PIK3R1: variants seen among roughly 807,000 people sequenced by gnomAD.
PIK3R1 encodes phosphatidylinositol 3-kinase regulatory subunit alpha.
Under a neutral mutation model 98.0 loss-of-function variants are expected in PIK3R1, and 29 were observed. The observed-to-expected ratio is 0.30, with a 90% CI of 0.22 to 0.40. The LOEUF is 0.40. PIK3R1 is among the 10% of genes least tolerant of loss of function. The pLI, the probability that PIK3R1 is intolerant of heterozygous loss-of-function variation, is 1.00. For synonymous variants in PIK3R1, 282 were observed against 311.8 expected (o/e 0.90, Z 1.01); for missense variants, 596 against 872.7 (o/e 0.68, Z 3.99).
At position 68,294,619 on chromosome 5, in the gene PIK3R1, G is replaced by T; in HGVS notation, c.1509G>T (p.Arg503=). 1 of 1,611,958 alleles carries T rather than the reference G, an allele frequency of 6.2e-7. No homozygotes were observed. The highest frequency in any genetic ancestry group is 8.5e-7 in the Non-Finnish European group (1 of 1,178,900). ...IFEEQCQTQE[R]YSKEYIEKFK... is the part of the protein sequence containing the mutation. ...AAGAACAGTGCCAGACCCAAGAGCGGTACAGCAAAGAATACATAGAAAAGT... is the reference window on the plus strand; with the variant it reads ...AAGAACAGTGCCAGACCCAAGAGCGTTACAGCAAAGAATACATAGAAAAGT... Residue 503 remains arginine, a synonymous_variant, in exon 12 of 16, where the codon CGG becomes CGT. Coordinates refer to ENST00000521381, the MANE Select transcript of PIK3R1 (RefSeq NM_181523.3).
At chr5:68,271,741 C>T (rs1421520289) in intron 2 of PIK3R1, among the ~76,000 whole-genome samples, 1 of 152,176 alleles carries the variant, frequency 6.6e-6, no homozygotes, top group African/African-American at 2.4e-5. Context: ...TAATATAGCT[C>T]TTCTCTTTTT....
At chr5:68,242,359 C>G (rs1347412311) in intron 2 of PIK3R1, among the ~76,000 whole-genome samples, 3 of 152,204 alleles carry the variant, frequency 2.0e-5, no homozygotes, top group Non-Finnish European at 4.4e-5. Context: ...GGTGGTCAAA[C>G]TTCACACCAT....
intron 2 of PIK3R1, among the ~76,000 whole-genome samples, chr5:68,261,479 T>C (rs1315021738): frequency 6.6e-6 from 1 of 152,002 alleles, no homozygotes; most frequent in African/African-American, 2.4e-5. Flanking sequence ...CAATCATAAA[T>C]AGGGGATTTA....
intron 2 of PIK3R1, among the ~76,000 whole-genome samples, chr5:68,254,081 T>C (rs1745423924): frequency 6.6e-6 from 1 of 151,390 alleles, no homozygotes; most frequent in Admixed American, 6.6e-5. Context: ...TAAATGTGAG[T>C]CTGCACACTC....
chr5:68,275,408 G>A lies in PIK3R1; in HGVS notation c.502+1395G>A, dbSNP rs542612829. On this transcript the variant is annotated intron_variant, in intron 4 of 15. Coordinates refer to ENST00000521381, the MANE Select transcript of PIK3R1 (RefSeq NM_181523.3). ...AGAAAATTGGTCAAATTATGAACACGTTTAGTCACAGGAAGAGTTTAGACA... is the reference window on the plus strand; with the variant it reads ...AGAAAATTGGTCAAATTATGAACACATTTAGTCACAGGAAGAGTTTAGACA... Among the ~76,000 whole-genome samples, 222 of 152,078 alleles carry A rather than the reference G, an allele frequency of 1.5e-3. 3 individuals carry two copies. In the South Asian group the frequency reaches 0.043, roughly 29 times the overall value.
chr5:68,243,146 G>T (rs541447925), intron 2 of PIK3R1, among the ~76,000 whole-genome samples: 15 of 152,124 alleles, frequency 9.9e-5, no homozygotes, highest in African/African-American at 3.6e-4. Context: ...CGATGAAAGA[G>T]TAAGGCCCAT....
chr5:68,264,564 G>A (rs549491760), intron 2 of PIK3R1, among the ~76,000 whole-genome samples: 54 of 152,260 alleles, frequency 3.5e-4, no homozygotes, highest in Non-Finnish European at 6.5e-4. Context: ...GAGATTAAAC[G>A]CTGAGCAGAG....
chr5:68,270,919 T>C (rs984146146), intron 2 of PIK3R1, among the ~76,000 whole-genome samples: 6 of 152,208 alleles, frequency 3.9e-5, no homozygotes, highest in Non-Finnish European at 8.8e-5. Context: ...ATATTTCTTT[T>C]AAAATTTTAT....
intron 2 of PIK3R1, among the ~76,000 whole-genome samples, chr5:68,250,961 A>G (rs1429682556): frequency 3.9e-5 from 6 of 152,100 alleles, no homozygotes; most frequent in African/African-American, 1.4e-4. Flanking sequence ...ATTTTAAGAG[A>G]GTGTGTATGT....
At chr5:68,268,749 C>G (rs1334699255) in intron 2 of PIK3R1, among the ~76,000 whole-genome samples, 1 of 152,206 alleles carries the variant, frequency 6.6e-6, no homozygotes, top group Non-Finnish European at 1.5e-5. Context: ...CTGCCAGGCA[C>G]TAACTTCAAA....
At chr5:68,262,763 A>G (rs1412327897) in intron 2 of PIK3R1, among the ~76,000 whole-genome samples, 2 of 138,748 alleles carry the variant, frequency 1.4e-5, no homozygotes, top group Non-Finnish European at 3.1e-5. Context: ...ATGTATACAT[A>G]TATACATGTA....
At position 68,299,541 on chromosome 5, in the gene PIK3R1, T is replaced by C; in HGVS notation, c.*1940T>C. ...AAGCTGGTATGTTCAGTAGGAACTG[T>C]ACATGTGTTGGGAGGCATAAAGACT... is the stretch of plus-strand genomic sequence containing the variant. On this transcript the variant is annotated 3_prime_UTR_variant, in exon 16 of 16. Transcript: ENST00000521381. 4.3e-6 allele frequency: 1 copy of C among 233,276 alleles called. No individual in the cohort carries two copies. Among genetic ancestry groups the C allele is most frequent in the Non-Finnish European group, 8.5e-6 (1 of 118,034 alleles). The allele number at this position is 233,276 out of a possible 1,614,324, so 14.5% of individuals were successfully genotyped here.
In PIK3R1 at chr5:68,280,634, C is replaced by A; in HGVS notation, c.741C>A (p.Phe247Leu). ...WLTLQYLLKH[F>L]FKLSQTSSKN... ...CGCTTCAGTATTTGTTAAAACATTTCTTCAAGCTCTCTCAAACCTCCAGCA... is the reference window on the plus strand; with the variant it reads ...CGCTTCAGTATTTGTTAAAACATTTATTCAAGCTCTCTCAAACCTCCAGCA... Residue 247 changes from phenylalanine to leucine, a missense_variant, in exon 6 of 16, where the codon TTC becomes TTA. Physicochemically the swap from Phe to Leu is conservative, Grantham distance 22. This residue lies in a region of PIK3R1 where 352 missense variants were observed against 393.3 expected (regional missense o/e 0.90). Transcript: ENST00000521381. 2 of 1,613,860 alleles carry A rather than the reference C, an allele frequency of 1.2e-6. No homozygotes were observed. Among genetic ancestry groups the A allele is most frequent in the Non-Finnish European group, 1.7e-6 (2 of 1,179,870 alleles).
intron 7 of PIK3R1, among the ~76,000 whole-genome samples, chr5:68,285,947 T>C (rs760584729): frequency 2.0e-5 from 3 of 152,210 alleles, no homozygotes; most frequent in African/African-American, 4.8e-5. Flanking sequence ...TAGATGAAGA[T>C]TTTGGTTAAT....
chr5:68,246,478 A>G (rs1245223294), intron 2 of PIK3R1, among the ~76,000 whole-genome samples: 9 of 150,864 alleles, frequency 6.0e-5, no homozygotes, highest in Non-Finnish European at 1.5e-5. Context: ...ACGCCCAGCT[A>G]ATTTTTGTAT....
In PIK3R1 at chr5:68,297,573, A is replaced by T. The variant is rs1396261961; in HGVS notation, c.2147A>T (p.Tyr716Phe). The change falls in exon 16 of 16, where the codon TAC becomes TTC. Residue 716 changes from tyrosine to phenylalanine, a missense_variant. Physicochemically the swap from Tyr to Phe is conservative, Grantham distance 22 (BLOSUM62 3). Around this residue, in one of 3 missense-constraint regions of PIK3R1, gnomAD observed 207 missense variants for 361.4 expected, o/e 0.57. Transcript: ENST00000521381. ...GACTCCCTCAATGTCACACTAGCCT[A>T]CCCAGTATATGCACAGCAGAGGCGA... ...HNDSLNVTLA[Y>F]PVYAQQRR 2.5e-6 allele frequency: 4 copies of T among 1,613,932 alleles called. No individual in the cohort carries two copies. The highest frequency in any genetic ancestry group is 2.5e-6 in the Non-Finnish European group (3 of 1,180,000).
At chr5:68,279,929 G>T (rs575594347) in intron 5 of PIK3R1, among the ~76,000 whole-genome samples, 196 bp downstream of exon 5, 1 of 152,340 alleles carries the variant, frequency 6.6e-6, no homozygotes, top group South Asian at 2.1e-4. Context: ...TGCTTGGGAA[G>T]CCCGTCTGCA....
intron 2 of PIK3R1, among the ~76,000 whole-genome samples, chr5:68,273,108 C>G (rs1746429959): frequency 6.6e-6 from 1 of 152,062 alleles, no homozygotes; most frequent in Non-Finnish European, 1.5e-5. Context: ...CCTTTGGGGC[C>G]CAGGGGTGTA....
chr5:68,247,562 G>C (rs1183388035), intron 2 of PIK3R1, among the ~76,000 whole-genome samples: 1 of 150,590 alleles, frequency 6.6e-6, no homozygotes, highest in African/African-American at 2.4e-5. Context: ...ATAGGTGTGA[G>C]CCACTGCACG....
Sources: gnomAD v4.1 joint callset for allele counts (sites outside exome capture counted in the v4.1 genomes callset) on GRCh38, gnomAD v4.1.1 for gene constraint, gnomAD v4.1.1 regional missense constraint, MANE v1.5 for transcripts, NCBI Gene and HGNC (gene_info 2026-07-23, HGNC 2026-07-21) for gene names.